Variants in FBXO11 observed in about 807,000 individuals in gnomAD.
FBXO11 encodes the protein F-box only protein 11.
FBXO11 carries 13 observed loss-of-function variants against 117.0 expected under a neutral mutation model. The ratio of observed to expected loss-of-function variants is 0.11; its 90% CI spans 0.07 to 0.18. The LOEUF (loss-of-function observed/expected upper bound fraction) is 0.18. FBXO11 is among the 10% of genes least tolerant of loss of function. The pLI is 1.00. For missense variants in FBXO11, 767 were observed against 1,164.4 expected, an observed-to-expected ratio of 0.66 and a Z score of 4.97; for synonymous variants, 490 against 380.5, an observed-to-expected ratio of 1.29 and a Z score of -3.35.
At chr2:47,811,108 C>T (rs1407597531) in intron 18 of FBXO11, 1 of 152,252 alleles carries the variant, frequency 6.6e-6, no homozygotes, top group Non-Finnish European at 1.5e-5. Context: ...GACTCAGTAA[C>T]TTCTTGGGGT....
At chr2:47,860,480 G>A (rs1369422152) in intron 1 of FBXO11, among the ~76,000 whole-genome samples, 3 of 149,112 alleles carry the variant, frequency 2.0e-5, no homozygotes, top group Admixed American at 6.8e-5. Context: ...GCACAATCTC[G>A]GCCCACTGAA....
At chr2:47,892,848 T>C (rs1316184682) in intron 1 of FBXO11, among the ~76,000 whole-genome samples, 1 of 152,162 alleles carries the variant, frequency 6.6e-6, no homozygotes, top group Non-Finnish European at 1.5e-5. Context: ...TTAATTTTCT[T>C]ATCTAGGCGT....
chr2:47,839,155 A>G (rs1672826076), intron 3 of FBXO11, 152 bp from the exon 4 acceptor site: 1 of 790,312 alleles, frequency 1.3e-6, no homozygotes, highest in Non-Finnish European at 1.9e-6. Flanking sequence ...ACACATATTT[A>G]TCTCTATCCT....
At chr2:47,861,713 C>T (rs1264758660) in intron 1 of FBXO11, among the ~76,000 whole-genome samples, 1 of 152,052 alleles carries the variant, frequency 6.6e-6, no homozygotes, top group African/African-American at 2.4e-5. Flanking sequence ...GTTTTGGCTT[C>T]TGGGAAAGAG....
chr2:47,847,762 G>C (rs1304056671), intron 1 of FBXO11, among the ~76,000 whole-genome samples: 2 of 151,762 alleles, frequency 1.3e-5, no homozygotes, highest in African/African-American at 2.4e-5. Flanking sequence ...ATCATATACA[G>C]TCTGTTGTTG....
chr2:47,861,506 G>C (rs1445156455), intron 1 of FBXO11, among the ~76,000 whole-genome samples: 2 of 151,898 alleles, frequency 1.3e-5, no homozygotes, highest in Non-Finnish European at 2.9e-5. Context: ...TTTTTTTGGA[G>C]AGATGGTGTC....
chr2:47,822,117 C>A (rs1167801447), intron 13 of FBXO11, 101 bp downstream of exon 13: 3 of 775,682 alleles, frequency 3.9e-6, no homozygotes, highest in South Asian at 1.6e-5. Flanking sequence ...AGAGCTGGAT[C>A]AGTGCTTCCA....
At position 47,832,988 on chromosome 2, in the gene FBXO11, A is replaced by G; in HGVS notation, c.1017T>C (p.Ala339=). 3 of 1,612,900 alleles carry G rather than the reference A, an allele frequency of 1.9e-6. No individual in the cohort carries two copies. The highest frequency in any genetic ancestry group is 2.5e-6 in the Non-Finnish European group (3 of 1,178,900). The part of the protein sequence containing the change: ...TFVFMEGSED[A]YVGYMTIRFN... ...CCCTTATTGTCATATATCCAACATA[A>G]GCATCTTCAGAGCCTTCCATAAAAA... is the stretch of plus-strand genomic sequence containing the variant. The change falls in exon 8 of 23, where the codon GCT becomes GCC. Residue 339 remains alanine (A), a synonymous_variant. Coordinates refer to ENST00000403359, the MANE Select transcript of FBXO11 (RefSeq NM_001190274.2).
chr2:47,905,339 G>A (rs924409349), intron 1 of FBXO11, 150 bp downstream of exon 1: 1 of 809,682 alleles, frequency 1.2e-6, no homozygotes. Flanking sequence ...GGCTGACACT[G>A]CGGCACCGGG....
At chr2:47,822,405 A>C (rs1209850520) in intron 12 of FBXO11, 102 bp from the exon 13 acceptor site, 1 of 685,710 alleles carries the variant, frequency 1.5e-6, no homozygotes, top group Non-Finnish European at 2.4e-6. Flanking sequence ...CAAATTACAT[A>C]AACTTCTAAG....
At chr2:47,812,896 G>T (rs892897323) in intron 18 of FBXO11, 1 of 277,082 alleles carries the variant, frequency 3.6e-6, no homozygotes, top group Non-Finnish European at 7.0e-6. Flanking sequence ...GATATTTACA[G>T]ATCAATTTCT....
At chr2:47,855,505 T>A (rs1277430654) in intron 1 of FBXO11, among the ~76,000 whole-genome samples, 1 of 152,114 alleles carries the variant, frequency 6.6e-6, no homozygotes, top group Non-Finnish European at 1.5e-5. Context: ...TCAGTGTACA[T>A]AAGAAATTTC....
chr2:47,880,521 T>A (rs867311828), intron 1 of FBXO11, among the ~76,000 whole-genome samples: 8 of 152,332 alleles, frequency 5.3e-5, no homozygotes, highest in Middle Eastern at 6.8e-3. Flanking sequence ...TTTTAATTTA[T>A]AAAATTAAAA....
chr2:47,849,697 G>C (rs1673705190), intron 1 of FBXO11, among the ~76,000 whole-genome samples: 1 of 152,182 alleles, frequency 6.6e-6, no homozygotes, highest in Admixed American at 6.5e-5. Flanking sequence ...TGTGGGTATT[G>C]GTGTAAGATT....
chr2:47,895,005 GTAACATAATTATGAGATGCCATAT>G (rs1677550563), intron 1 of FBXO11, among the ~76,000 whole-genome samples: 2 of 152,012 alleles, frequency 1.3e-5, no homozygotes, highest in Admixed American at 1.3e-4. Context: ...AATTATTTTA[GTAACATAATTATGAGATGCCATAT>G]TCACACACCT....
chr2:47,900,865 C>CACACACACGTGTATATATATACACGTAT lies in FBXO11; in HGVS notation c.232+4596_232+4623dup, dbSNP rs1558487563. On this transcript the variant is annotated intron_variant, in intron 1 of 22. Transcript: ENST00000403359. ...ACACGTGTATATATATACACGTATA[C>CACACACACGTGTATATATATACACGTAT]ACACACACGTGTATATATATACACG... Among the ~76,000 whole-genome samples, 18 of 63,012 alleles carry CACACACACGTGTATATATATACACGTAT rather than the reference C, an allele frequency of 2.9e-4. 3 individuals are homozygous for CACACACACGTGTATATATATACACGTAT. The highest frequency in any genetic ancestry group is 9.9e-4 in the African/African-American group (17 of 17,130). 41.3% of individuals were successfully genotyped at this position (63,012 alleles called of 152,430 possible). A position where few individuals can be genotyped will look rare whatever the true frequency, so the allele number is the denominator to read the frequency against.
At chr2:47,815,329 G>A (rs994199641) in intron 16 of FBXO11, among the ~76,000 whole-genome samples, 6 of 152,316 alleles carry the variant, frequency 3.9e-5, no homozygotes, top group African/African-American at 1.4e-4. Flanking sequence ...CGGGAATGAG[G>A]ATCTTCCAGG....
chr2:47,871,546 A>C (rs958242684), intron 1 of FBXO11, among the ~76,000 whole-genome samples: 3 of 152,130 alleles, frequency 2.0e-5, no homozygotes, highest in Non-Finnish European at 2.9e-5. Context: ...ATGAGATCTC[A>C]TTTTAATTTA....
At chr2:47,815,876 G>C (rs143648533) in intron 16 of FBXO11, among the ~76,000 whole-genome samples, 55 of 152,308 alleles carry the variant, frequency 3.6e-4, no homozygotes, top group African/African-American at 1.3e-3. Flanking sequence ...GTGTTTTAGA[G>C]CAGCATGTTC....
Sources: allele counts gnomAD v4.1 joint callset (sites outside exome capture counted in the v4.1 genomes callset), GRCh38; gene constraint gnomAD v4.1.1; transcripts MANE v1.5; gene names NCBI Gene and HGNC (gene_info 2026-07-23, HGNC 2026-07-21).